The following RREB1 variants were observed in gnomAD, a reference collection of about 807,000 sequenced individuals.
RREB1 encodes the protein ras responsive element binding protein 1, also known as ras-responsive element-binding protein 1.
RREB1 carries 27 observed loss-of-function variants against 117.8 expected under a neutral mutation model. That is an observed-to-expected ratio of 0.23 (90% confidence interval 0.17 to 0.32). The LOEUF (loss-of-function observed/expected upper bound fraction) is 0.32. Ranked by LOEUF, RREB1 falls within the 10% of genes least tolerant of loss-of-function variation. RREB1 has a pLI of 1.00. For synonymous variants in RREB1, 1,298 were observed against 1,026.7 expected, an observed-to-expected ratio of 1.26 and a Z score of -5.05; for missense variants, 2,577 against 2,378.2, an observed-to-expected ratio of 1.08 and a Z score of -1.74.
chr6:7,206,313 C>T (rs7774049), intron 6 of RREB1, among the ~76,000 whole-genome samples: 2,636 of 152,314 alleles, frequency 0.017, 71 homozygotes, highest in African/African-American at 0.059. Flanking sequence ...TTCATAATCT[C>T]GTGTCATGTT....
At chr6:7,108,391 TC>T (rs1174083467) in intron 1 of RREB1, among the ~76,000 whole-genome samples, 4 of 150,554 alleles carry the variant, frequency 2.7e-5, no homozygotes, top group Non-Finnish European at 4.4e-5. Flanking sequence ...GCCAACCAGC[TC>T]CCAGCGCGAG....
intron 11 of RREB1, among the ~76,000 whole-genome samples, chr6:7,245,013 T>C (rs1168771358): frequency 1.3e-5 from 2 of 152,246 alleles, no homozygotes. Context: ...ACATCTGGCC[T>C]ATTGAGGGAG....
chr6:7,153,682 T>C (rs1360295342), intron 1 of RREB1, among the ~76,000 whole-genome samples: 1 of 152,218 alleles, frequency 6.6e-6, no homozygotes, highest in Non-Finnish European at 1.5e-5. Context: ...TTTGATAGGT[T>C]GGGCTTAAGA....
intron 1 of RREB1, among the ~76,000 whole-genome samples, chr6:7,142,340 A>C (rs1403286960): frequency 6.7e-6 from 1 of 150,048 alleles, no homozygotes; most frequent in Admixed American, 6.6e-5. Context: ...TGCCCTTCCC[A>C]GCTGCGCTGC....
At chr6:7,225,533 CA>C (rs1436605958) in intron 8 of RREB1, among the ~76,000 whole-genome samples, 1 of 152,130 alleles carries the variant, frequency 6.6e-6, no homozygotes, top group African/African-American at 2.4e-5. Context: ...ACCTAGAAGA[CA>C]ATACTGGTCT....
intron 1 of RREB1, among the ~76,000 whole-genome samples, chr6:7,140,049 A>C (rs1762497826): frequency 6.6e-6 from 1 of 152,210 alleles, no homozygotes; most frequent in Non-Finnish European, 1.5e-5. Flanking sequence ...AAAATGAGAG[A>C]GTCCAAGGTC....
At chr6:7,221,124 A>G (rs926140937) in intron 8 of RREB1, among the ~76,000 whole-genome samples, 5 of 151,336 alleles carry the variant, frequency 3.3e-5, no homozygotes, top group South Asian at 2.1e-4. Context: ...TTTAAGGTCT[A>G]TCAACAGGTG....
chr6:7,230,074 C>T lies in RREB1; in HGVS notation c.1975C>T (p.Arg659Cys). The change falls in exon 10 of 13, where the codon CGT becomes TGT. Residue 659 changes from arginine (R) to cysteine (C), a missense_variant. Arg to Cys is a radical substitution (Grantham distance 180). Transcript: ENST00000379938. The part of the protein sequence containing the change: ...NQVFAFSGVL[R>C]AHVRSHLGIS... The stretch of plus-strand genomic sequence containing the variant: ...GGTGTTTGCCTTCTCGGGGGTCTTG[C>T]GTGCCCACGTGCGCTCCCACCTGGG... 1.2e-6 allele frequency: 2 copies of T among 1,601,868 alleles called. No homozygotes were observed. The highest frequency in any genetic ancestry group is 1.7e-6 in the Non-Finnish European group (2 of 1,172,722).
chr6:7,203,347 A>T (rs182221048), intron 6 of RREB1, among the ~76,000 whole-genome samples: 1 of 152,206 alleles, frequency 6.6e-6, no homozygotes, highest in African/African-American at 2.4e-5. Context: ...GTGCAGCAAG[A>T]TTCTATTTCC....
intron 2 of RREB1, among the ~76,000 whole-genome samples, chr6:7,178,490 A>G (rs982988841): frequency 6.6e-6 from 1 of 152,228 alleles, no homozygotes; most frequent in Admixed American, 6.5e-5. Flanking sequence ...TTTCTAACGT[A>G]GAACAATGAG....
chr6:7,218,502 G>C (rs112010140), intron 8 of RREB1: 4 of 152,102 alleles, frequency 2.6e-5, no homozygotes, highest in African/African-American at 9.6e-5. Context: ...AAAAAAAAGA[G>C]ACTTTTGGTG....
intron 2 of RREB1, among the ~76,000 whole-genome samples, chr6:7,179,259 A>G (rs1037552102): frequency 6.6e-6 from 1 of 152,130 alleles, no homozygotes; most frequent in African/African-American, 2.4e-5. Context: ...CTTTTTCTAC[A>G]CACATACACA....
chr6:7,226,420 A>ATAT, intron 8 of RREB1, 47 bp from the exon 9 acceptor site: 1 of 1,460,194 alleles, frequency 6.8e-7, no homozygotes, highest in South Asian at 1.3e-5. Flanking sequence ...CTGCTTCCTC[A>ATAT]TATGCTCTCC....
At chr6:7,130,822 G>A (rs937707940) in intron 1 of RREB1, among the ~76,000 whole-genome samples, 6 of 151,824 alleles carry the variant, frequency 4.0e-5, no homozygotes, top group South Asian at 2.1e-4. Flanking sequence ...TTACCATGTC[G>A]GCCAGGCTGG....
intron 1 of RREB1, among the ~76,000 whole-genome samples, chr6:7,162,914 T>C (rs1763740698): frequency 6.6e-6 from 1 of 152,064 alleles, no homozygotes; most frequent in African/African-American, 2.4e-5. Flanking sequence ...AGTGTCACGG[T>C]CAGTGCTCAC....
chr6:7,227,410 A>G (rs1767644332), intron 9 of RREB1, among the ~76,000 whole-genome samples: 1 of 151,208 alleles, frequency 6.6e-6, no homozygotes, highest in Admixed American at 6.6e-5. Flanking sequence ...GCGTGGTAGC[A>G]TGCACCTGTA....
At chr6:7,240,319 T>C (rs971948795) in intron 10 of RREB1, 119 bp from the exon 11 acceptor site, 21 of 620,058 alleles carry the variant, frequency 3.4e-5, no homozygotes, top group Middle Eastern at 3.3e-4. Context: ...TTAATTTTCT[T>C]GAAGGGATGG....
At position 7,231,090 on chromosome 6, in the gene RREB1, G is replaced by A. The variant is rs116413515; in HGVS notation, c.2991G>A (p.Pro997=). 78 of 1,613,220 alleles carry A rather than the reference G, an allele frequency of 4.8e-5. No individual in the cohort carries two copies. Among genetic ancestry groups the A allele is most frequent in the East Asian group, 4.7e-4 (21 of 44,868 alleles). Residue 997 remains proline (P), a synonymous_variant, in exon 10 of 13, where the codon CCG becomes CCA. Transcript: ENST00000379938. Reference sequence around the variant, plus strand: ...TGGAAAGCCCCATGGCCCCTGCTCCGGCGGCCACCCCGGAACCCCCAGCAC... The same window carrying A: ...TGGAAAGCCCCATGGCCCCTGCTCCAGCGGCCACCCCGGAACCCCCAGCAC... ...GILESPMAPA[P]AATPEPPAQP... is the part of the protein sequence containing the mutation.
At chr6:7,247,379 T>C (rs1348031307) in intron 12 of RREB1, among the ~76,000 whole-genome samples, 158 bp downstream of exon 12, 7 of 150,928 alleles carry the variant, frequency 4.6e-5, no homozygotes, top group African/African-American at 9.8e-5. Context: ...TTTTAAGGAG[T>C]TGTACTCTCA....
Sources: allele counts gnomAD v4.1 joint callset (sites outside exome capture counted in the v4.1 genomes callset), GRCh38; gene constraint gnomAD v4.1.1; transcripts MANE v1.5; gene names NCBI Gene and HGNC (gene_info 2026-07-23, HGNC 2026-07-21).